COL4A2: variants seen among roughly 807,000 people sequenced by gnomAD.
The protein encoded by COL4A2 is collagen alpha-2(IV) chain.
A neutral mutation model predicts 200.2 loss-of-function variants in COL4A2; 99 were observed. The ratio of observed to expected loss-of-function variants is 0.49; its 90% CI spans 0.42 to 0.58. The LOEUF (loss-of-function observed/expected upper bound fraction) is 0.58. COL4A2 is among the 20% of genes least tolerant of loss of function. The pLI, the probability that COL4A2 is intolerant of heterozygous loss-of-function variation, is 0.00. For missense variants in COL4A2, 1,950 were observed against 2,314.1 expected (o/e 0.84, Z 3.23); for synonymous variants, 897 against 900.6 (o/e 1.00, Z 0.07).
intron 15 of COL4A2, 134 bp from the exon 16 acceptor site, chr13:110,439,655 A>G: frequency 6.9e-7 from 1 of 1,444,390 alleles, no homozygotes; most frequent in Non-Finnish European, 9.5e-7. Context: ...TATTCTTCAA[A>G]ATCTGGACCT....
intron 4 of COL4A2, among the ~76,000 whole-genome samples, chr13:110,386,193 T>C (rs1045853076): frequency 6.6e-6 from 1 of 152,240 alleles, no homozygotes; most frequent in African/African-American, 2.4e-5. Context: ...TAGATTGTCG[T>C]TGCAGTTGCG....
At chr13:110,372,506 T>A (rs1014674106) in intron 4 of COL4A2, among the ~76,000 whole-genome samples, 2 of 152,238 alleles carry the variant, frequency 1.3e-5, no homozygotes, top group African/African-American at 4.8e-5. Context: ...GTTATGCTAT[T>A]GTTTCAAATC....
chr13:110,439,188 C>T (rs1402759705), intron 15 of COL4A2, among the ~76,000 whole-genome samples: 1 of 152,180 alleles, frequency 6.6e-6, no homozygotes, highest in Non-Finnish European at 1.5e-5. Context: ...CACGACCACA[C>T]CTAGCTGAGG....
intron 4 of COL4A2, among the ~76,000 whole-genome samples, chr13:110,424,207 A>G (rs1312304141): frequency 6.6e-6 from 1 of 151,956 alleles, no homozygotes; most frequent in African/African-American, 2.4e-5. Context: ...AACTTTTTTT[A>G]ATAACAGCCA....
intron 4 of COL4A2, among the ~76,000 whole-genome samples, chr13:110,386,430 C>T (rs1265704254): frequency 3.0e-4 from 46 of 152,150 alleles, no homozygotes; most frequent in Admixed American, 3.0e-3. Context: ...CTGGGGATCA[C>T]CAACCCCACT....
At chr13:110,457,498 A>T in intron 21 of COL4A2, 63 bp downstream of exon 21, 1 of 963,548 alleles carries the variant, frequency 1.0e-6, no homozygotes, top group Non-Finnish European at 1.7e-6. Flanking sequence ...CTCACCTTAC[A>T]GAAGGTGAAA....
chr13:110,373,240 C>T (rs373776248), intron 4 of COL4A2, among the ~76,000 whole-genome samples: 1 of 152,200 alleles, frequency 6.6e-6, no homozygotes, highest in East Asian at 1.9e-4. Flanking sequence ...GCCACCCAAC[C>T]AGTACCAACT....
intron 3 of COL4A2, among the ~76,000 whole-genome samples, chr13:110,356,181 G>A (rs1316827426): frequency 6.6e-6 from 1 of 152,132 alleles, no homozygotes; most frequent in Non-Finnish European, 1.5e-5. Context: ...GCCCATCCAG[G>A]GAACTCCCTC....
At position 110,445,991 on chromosome 13, in the gene COL4A2, A is replaced by T. The variant is rs7988186; in HGVS notation, c.1011+109A>T. 1 allele frequency: 1,219,847 copies of T among 1,223,038 alleles called. 608,374 individuals are homozygous for T. Among genetic ancestry groups the T allele is most frequent in the East Asian group, 1 (42,766 of 42,766 alleles). 75.8% of individuals were successfully genotyped at this position (1,223,038 alleles called of 1,614,324 possible). On this transcript the variant is annotated intron_variant, in intron 17 of 47. Coordinates refer to ENST00000360467, the MANE Select transcript of COL4A2 (RefSeq NM_001846.4). ...GGAGGCATCCCCTGCCCTAAAAAGT[A>T]CAAGATCCCCAAATACACGGCCTCT...
chr13:110,411,073 G>A (rs1048150541), intron 4 of COL4A2, among the ~76,000 whole-genome samples: 102 of 151,958 alleles, frequency 6.7e-4, no homozygotes, highest in Non-Finnish European at 1.6e-4. Flanking sequence ...TTCTACCACC[G>A]TCTCCCACGT....
At position 110,462,616 on chromosome 13, in the gene COL4A2, G is replaced by T. The variant is rs7992707; in HGVS notation, c.1776+232G>T. On this transcript the variant is annotated intron_variant, in intron 24 of 47. Coordinates refer to ENST00000360467, the MANE Select transcript of COL4A2 (RefSeq NM_001846.4). Reference sequence around the variant, plus strand: ...GAACATTTAAAAGTCAACAATCAAAGAAATATTCCTCCTGGTGTAACAGAC... The same window carrying T: ...GAACATTTAAAAGTCAACAATCAAATAAATATTCCTCCTGGTGTAACAGAC... 0.58 allele frequency among the ~76,000 whole-genome samples: 87,803 copies of T among 152,066 alleles called. 26,187 individuals carry two copies. Among genetic ancestry groups the T allele is most frequent in the Middle Eastern group, 0.73 (214 of 294 alleles).
intron 3 of COL4A2, among the ~76,000 whole-genome samples, chr13:110,330,116 T>C (rs1182915356): frequency 6.6e-6 from 1 of 152,212 alleles, no homozygotes; most frequent in Non-Finnish European, 1.5e-5. Context: ...GAATGAGTTT[T>C]ACCATTAAGG....
chr13:110,465,161 A>G (rs1444733777), intron 24 of COL4A2, among the ~76,000 whole-genome samples: 1 of 152,158 alleles, frequency 6.6e-6, no homozygotes, highest in Non-Finnish European at 1.5e-5. Flanking sequence ...GAAGAGAGAA[A>G]TGCTCAAGCA....
At chr13:110,316,897 T>A (rs1273628321) in intron 3 of COL4A2, among the ~76,000 whole-genome samples, 1 of 152,172 alleles carries the variant, frequency 6.6e-6, no homozygotes, top group Non-Finnish European at 1.5e-5. Context: ...AACATAGATA[T>A]GTATATTATA....
Position 110,437,862 on chromosome 13 carries a change from G to A in COL4A2, c.826-140G>A, listed in dbSNP as rs957750231. On this transcript the variant is annotated intron_variant, in intron 13 of 47. Transcript: ENST00000360467. ...AATTTTGAAGCTGCAAAATTTAAGA[G>A]TCATGTGTTGTAATCAATTTATGAT... 3.3e-5 allele frequency: 24 copies of A among 736,776 alleles called. No individual in the cohort carries two copies. The African/African-American group carries it at 3.9e-4, about 12-fold the overall frequency. The allele number at this position is 736,776 out of a possible 1,614,324, so 45.6% of individuals were successfully genotyped here. A position where few individuals can be genotyped will look rare whatever the true frequency, so the allele number is the denominator to read the frequency against.
At chr13:110,347,243 G>C (rs34142318) in intron 3 of COL4A2, among the ~76,000 whole-genome samples, 4,866 of 152,300 alleles carry the variant, frequency 0.032, 246 homozygotes, top group African/African-American at 0.11. Context: ...GGCAGCGTTG[G>C]CTTAGACTAT....
At position 110,440,202 on chromosome 13, in the gene COL4A2, C is replaced by T. The variant is rs189044821; in HGVS notation, c.957+369C>T. The stretch of plus-strand genomic sequence containing the variant: ...AAATTTTTTTATAGATTGACCCATA[C>T]TGTGACACTTCATTTATGTTTAATG... On this transcript the variant is annotated intron_variant, in intron 16 of 47. Coordinates refer to ENST00000360467, the MANE Select transcript of COL4A2 (RefSeq NM_001846.4). 7.9e-4 allele frequency among the ~76,000 whole-genome samples: 121 copies of T among 152,278 alleles called. 2 individuals carry two copies. In the Middle Eastern group the frequency reaches 0.014, roughly 17 times the overall value.
At chr13:110,376,988 G>A (rs1029670061) in intron 4 of COL4A2, among the ~76,000 whole-genome samples, 1 of 152,188 alleles carries the variant, frequency 6.6e-6, no homozygotes, top group Non-Finnish European at 1.5e-5. Context: ...CTCAGTGATC[G>A]TTGATCTTTA....
Position 110,508,361 on chromosome 13 carries a change from G to A in COL4A2, c.4881+140G>A, listed in dbSNP as rs1356110393. On this transcript the variant is annotated intron_variant, in intron 47 of 47. Coordinates refer to ENST00000360467, the MANE Select transcript of COL4A2 (RefSeq NM_001846.4). The surrounding 1 kb of genome is among the most constrained non-coding windows in gnomAD (Gnocchi z 6.1). ...AGGGTAGTTGGCCCAGGAAGCGAGCGAGAGCTGGAACACAGCTTACACTTG... is the reference window on the plus strand; with the variant it reads ...AGGGTAGTTGGCCCAGGAAGCGAGCAAGAGCTGGAACACAGCTTACACTTG... 35 of 1,354,104 alleles carry A rather than the reference G, an allele frequency of 2.6e-5. No homozygotes were observed. Among genetic ancestry groups the A allele is most frequent in the South Asian group, 1.5e-4 (11 of 73,224 alleles). 83.9% of individuals were successfully genotyped at this position (1,354,104 alleles called of 1,614,324 possible). A position where few individuals can be genotyped will look rare whatever the true frequency, so the allele number is the denominator to read the frequency against.
Sources: gnomAD v4.1 joint callset for allele counts (sites outside exome capture counted in the v4.1 genomes callset) on GRCh38, gnomAD v4.1.1 for gene constraint, Gnocchi (gnomAD v3.1) non-coding constraint, MANE v1.5 for transcripts, NCBI Gene and HGNC (gene_info 2026-07-23, HGNC 2026-07-21) for gene names.